FOXP2: variants seen among roughly 807,000 people sequenced by gnomAD.
FOXP2 encodes the protein forkhead box P2.
Under a neutral mutation model 115.8 loss-of-function variants are expected in FOXP2, and 12 were observed. That is an observed-to-expected ratio of 0.10 (90% CI 0.07 to 0.17). The LOEUF is 0.17. Among genes scored for constraint, FOXP2 ranks in the 10% least tolerant of loss-of-function variants. The pLI, the probability that FOXP2 is intolerant of heterozygous loss-of-function variation, is 1.00. For missense variants in FOXP2, 629 were observed against 843.5 expected (o/e 0.75, Z 3.15); for synonymous variants, 328 against 297.7 (o/e 1.10, Z -1.05).
rs1584482534 is a variant in FOXP2, at chr7:114,106,892, T to C, written c.-247+19054T>C. Among the ~76,000 whole-genome samples the C allele has an allele frequency of 2.0e-5, 3 of 152,136 alleles. 1 individual carries two copies. In the South Asian group the frequency reaches 6.2e-4, roughly 32 times the overall value. On this transcript the variant is annotated intron_variant, in intron 1 of 19. Coordinates refer to the FOXP2 transcript ENST00000635638. ...TTAGACCTTATTTATTTGCTTTACG[T>C]ATGTTTTTAAGTTAATAAACTCATA...
At chr7:114,359,180 G>A (rs901650848) in intron 2 of FOXP2, among the ~76,000 whole-genome samples, 3 of 152,174 alleles carry the variant, frequency 2.0e-5, no homozygotes, top group Admixed American at 6.5e-5. Context: ...AACAGCTCAG[G>A]TCATTGCTTC....
intron 2 of FOXP2, among the ~76,000 whole-genome samples, chr7:114,500,465 T>C (rs1169368416): frequency 1.3e-5 from 2 of 152,064 alleles, no homozygotes; most frequent in Non-Finnish European, 2.9e-5. Context: ...ATACATATAT[T>C]AATATATACA....
intron 1 of FOXP2, among the ~76,000 whole-genome samples, chr7:114,133,163 G>GTGTA (rs1791937842): frequency 6.6e-6 from 1 of 152,208 alleles, no homozygotes; most frequent in Non-Finnish European, 1.5e-5. Context: ...AACAGATTAA[G>GTGTA]TGTAGTATGT....
intron 1 of FOXP2, among the ~76,000 whole-genome samples, chr7:114,191,561 G>T (rs1251049679): frequency 6.6e-6 from 1 of 152,154 alleles, no homozygotes; most frequent in Non-Finnish European, 1.5e-5. Flanking sequence ...TTGTACTGAA[G>T]AATTATGAAC....
At chr7:114,629,477 C>A in intron 4 of FOXP2, 1 of 864,704 alleles carries the variant, frequency 1.2e-6, no homozygotes, top group Non-Finnish European at 1.8e-6. Flanking sequence ...ATTCTTACAA[C>A]TGGTAGAGTA....
chr7:114,530,524 A>G (rs563313029), intron 2 of FOXP2, among the ~76,000 whole-genome samples: 4 of 151,652 alleles, frequency 2.6e-5, no homozygotes, highest in Non-Finnish European at 5.9e-5. Flanking sequence ...ACATATATTT[A>G]CTTTGAAAAA....
At chr7:114,179,939 A>C (rs771301164) in intron 1 of FOXP2, among the ~76,000 whole-genome samples, 1 of 151,882 alleles carries the variant, frequency 6.6e-6, no homozygotes, top group Non-Finnish European at 1.5e-5. Context: ...TCTTCTGTAC[A>C]TTCTTGACTC....
chr7:114,349,100 G>A (rs1791416962), intron 2 of FOXP2, among the ~76,000 whole-genome samples: 1 of 151,922 alleles, frequency 6.6e-6, no homozygotes, highest in Admixed American at 6.6e-5. Flanking sequence ...CATTGTTCCT[G>A]TCCCATCAAT....
chr7:114,589,180 T>G (rs1802314013), intron 3 of FOXP2, among the ~76,000 whole-genome samples: 1 of 152,214 alleles, frequency 6.6e-6, no homozygotes, highest in African/African-American at 2.4e-5. Flanking sequence ...CCGGATTGTC[T>G]GCTTCATCTC....
chr7:114,115,030 G>A (rs114101830), intron 1 of FOXP2, among the ~76,000 whole-genome samples: 290 of 151,890 alleles, frequency 1.9e-3, no homozygotes, highest in African/African-American at 6.6e-3. Context: ...TGAATCATTG[G>A]CTACTAAGTG....
chr7:114,278,419 G>C (rs529456669), intron 1 of FOXP2, among the ~76,000 whole-genome samples: 2 of 151,770 alleles, frequency 1.3e-5, no homozygotes, highest in South Asian at 4.2e-4. Context: ...GCAGTGGTGT[G>C]ATTTAGGCTC....
At chr7:114,303,309 T>C (rs920438555) in intron 2 of FOXP2, among the ~76,000 whole-genome samples, 1 of 152,192 alleles carries the variant, frequency 6.6e-6, no homozygotes, top group Non-Finnish European at 1.5e-5. Context: ...AAAAAAGGTA[T>C]GATTGAAGGC....
At chr7:114,522,096 A>T (rs1394062521) in intron 2 of FOXP2, among the ~76,000 whole-genome samples, 4 of 152,234 alleles carry the variant, frequency 2.6e-5, no homozygotes, top group African/African-American at 9.6e-5. Context: ...GAAAGTTTAC[A>T]ATAGTAGATG....
intron 1 of FOXP2, among the ~76,000 whole-genome samples, chr7:114,208,058 C>T (rs1170048399): frequency 6.6e-6 from 1 of 152,104 alleles, no homozygotes; most frequent in African/African-American, 2.4e-5. Context: ...TCCTCCAGAC[C>T]CTAGAATGGT....
At chr7:114,219,362 TAA>T (rs1333104525) in intron 1 of FOXP2, among the ~76,000 whole-genome samples, 2 of 152,136 alleles carry the variant, frequency 1.3e-5, no homozygotes, top group African/African-American at 2.4e-5. Flanking sequence ...ACTACAACTT[TAA>T]AAGAGTATGT....
intron 2 of FOXP2, among the ~76,000 whole-genome samples, chr7:114,292,399 C>A (rs1247649481): frequency 1.3e-5 from 2 of 152,084 alleles, no homozygotes; most frequent in Non-Finnish European, 2.9e-5. Flanking sequence ...TAAAATTCAT[C>A]CATTGCTTCA....
intron 2 of FOXP2, among the ~76,000 whole-genome samples, chr7:114,323,361 T>C (rs1479526245): frequency 6.6e-6 from 1 of 152,096 alleles, no homozygotes. Flanking sequence ...GTCTTTCTCA[T>C]TGGTTTTATG....
intron 2 of FOXP2, among the ~76,000 whole-genome samples, chr7:114,530,545 A>C (rs1267604149): frequency 1.3e-5 from 2 of 151,916 alleles, no homozygotes; most frequent in East Asian, 3.9e-4. Flanking sequence ...AAAGTTATTT[A>C]TAAACCTTAG....
rs117309491 is a variant in FOXP2 at position 114,693,349 on chromosome 7, C to T, written c.*3423C>T. 7.5e-5 allele frequency: 34 copies of T among 453,760 alleles called. No homozygotes were observed. In the East Asian group the frequency reaches 2.1e-3, roughly 28 times the overall value. 28.1% of individuals were successfully genotyped at this position (453,760 alleles called of 1,614,324 possible). On this transcript the variant is annotated 3_prime_UTR_variant, in exon 17 of 17. Coordinates refer to ENST00000350908, the MANE Select transcript of FOXP2 (RefSeq NM_014491.4). ...GAATAGAGCTACAGAAGTACACTTA[C>T]ATAAACCATCCTGGACTTTAATGTC...
Sources: allele counts gnomAD v4.1 joint callset (sites outside exome capture counted in the v4.1 genomes callset), GRCh38; gene constraint gnomAD v4.1.1; transcripts MANE v1.5; gene names NCBI Gene and HGNC (gene_info 2026-07-23, HGNC 2026-07-21).